Variants in OPHN1 observed in about 807,000 individuals in gnomAD.
OPHN1 encodes the protein oligophrenin-1.
OPHN1 carries 11 observed loss-of-function variants against 60.7 expected under a neutral mutation model. That is an observed-to-expected ratio of 0.18 (90% CI 0.11 to 0.30). The LOEUF is 0.30. OPHN1 is among the 10% of genes least tolerant of loss of function. The pLI is 1.00. For missense variants in OPHN1, 449 were observed against 611.0 expected (o/e 0.73, Z 2.80); for synonymous variants, 226 against 222.6 (o/e 1.02, Z -0.14).
intron 2 of OPHN1, among the ~76,000 whole-genome samples, chrX:68,364,211 T>C (rs2078487583): frequency 8.9e-6 from 1 of 112,010 alleles, no homozygotes; most frequent in Non-Finnish European, 1.9e-5. Context: ...CTGAGTGCTT[T>C]TCATAACTTC....
intron 5 of OPHN1, among the ~76,000 whole-genome samples, chrX:68,248,078 A>G (rs1368053209): frequency 1.8e-5 from 2 of 111,045 alleles, no homozygotes; most frequent in African/African-American, 6.6e-5. Context: ...TTGTAACTTC[A>G]TATCGCCGAA....
chrX:68,391,109 G>A (rs1392418517), intron 2 of OPHN1, among the ~76,000 whole-genome samples: 7 of 111,298 alleles, frequency 6.3e-5, no homozygotes, highest in Non-Finnish European at 1.1e-4. Flanking sequence ...GATAATCCAA[G>A]ATAATCTGTT....
At chrX:68,340,937 T>G (rs1602339616) in intron 2 of OPHN1, among the ~76,000 whole-genome samples, 2 of 93,476 alleles carry the variant, frequency 2.1e-5, no homozygotes, top group Non-Finnish European at 4.3e-5. Flanking sequence ...ACCCGGGAGG[T>G]GGAGGTTGCA....
At chrX:68,390,848 G>A (rs935372359) in intron 2 of OPHN1, among the ~76,000 whole-genome samples, 1 of 111,872 alleles carries the variant, frequency 8.9e-6, no homozygotes, top group South Asian at 3.7e-4. Flanking sequence ...TAATGCTACC[G>A]AAACAATTTA....
chrX:68,052,531 A>T lies in OPHN1; in HGVS notation c.2375+9T>A. 4.0e-5 allele frequency: 48 copies of T among 1,203,286 alleles called. No homozygotes were observed. Among genetic ancestry groups the T allele is most frequent in the Non-Finnish European group, 5.4e-5 (48 of 890,482 alleles). ...ATTTGGTTTTTCTTTTGTCACCTCC[A>T]TATCTTACCTTCCTGTTTTCCGGGA... On this transcript the variant is annotated intron_variant, in intron 23 of 24. Coordinates refer to ENST00000355520, the MANE Select transcript of OPHN1 (RefSeq NM_002547.3).
intron 4 of OPHN1, 50 bp downstream of exon 4, chrX:68,283,005 TC>T (rs761494833): frequency 2.0e-6 from 2 of 977,074 alleles, no homozygotes; most frequent in South Asian, 3.9e-5. Context: ...AAAGGAAAAA[TC>T]CCCTATATCA....
chrX:68,059,135 T>C (rs928009074), intron 21 of OPHN1, among the ~76,000 whole-genome samples: 1 of 111,675 alleles, frequency 9.0e-6, no homozygotes, highest in Admixed American at 9.5e-5. Flanking sequence ...CACCAAGCTG[T>C]ACTTCTTTTT....
chrX:68,066,905 AC>A (rs2076915017), intron 20 of OPHN1, among the ~76,000 whole-genome samples: 1 of 111,787 alleles, frequency 8.9e-6, no homozygotes, highest in South Asian at 3.8e-4. Context: ...CTAACCAGCC[AC>A]CCATTTCTAC....
chrX:68,086,763 T>C (rs1440466067), intron 19 of OPHN1, among the ~76,000 whole-genome samples: 1 of 111,878 alleles, frequency 8.9e-6, no homozygotes, highest in Non-Finnish European at 1.9e-5. Flanking sequence ...CTGGACACTG[T>C]AGTGGTTCTT....
intron 5 of OPHN1, among the ~76,000 whole-genome samples, chrX:68,255,217 T>C (rs1396910660): frequency 9.1e-6 from 1 of 109,626 alleles, no homozygotes; most frequent in African/African-American, 3.3e-5. Context: ...CACTTACCCA[T>C]ACATATATAT....
chrX:68,167,274 C>T (rs1402499241), intron 15 of OPHN1, among the ~76,000 whole-genome samples: 3 of 111,302 alleles, frequency 2.7e-5, no homozygotes, highest in Non-Finnish European at 5.7e-5. Context: ...ATCATATAAA[C>T]GCAAATCAAA....
intron 3 of OPHN1, among the ~76,000 whole-genome samples, chrX:68,288,052 T>C (rs1249072965): frequency 2.7e-5 from 3 of 111,955 alleles, no homozygotes; most frequent in Non-Finnish European, 5.6e-5. Context: ...GAAAAAGCCC[T>C]ATGAGTACAT....
intron 19 of OPHN1, among the ~76,000 whole-genome samples, chrX:68,085,570 C>CA (rs1264141671): frequency 8.9e-6 from 1 of 111,858 alleles, no homozygotes; most frequent in Non-Finnish European, 1.9e-5. Flanking sequence ...GAAGGGGTGA[C>CA]ATTGGTACCT....
intron 15 of OPHN1, among the ~76,000 whole-genome samples, chrX:68,190,702 G>T (rs1468366518): frequency 8.9e-6 from 1 of 111,953 alleles, no homozygotes; most frequent in Non-Finnish European, 1.9e-5. Flanking sequence ...TTATACAACA[G>T]ATATAAGAGT....
intron 5 of OPHN1, among the ~76,000 whole-genome samples, chrX:68,254,805 T>C (rs925092347): frequency 3.7e-5 from 4 of 108,619 alleles, no homozygotes; most frequent in Non-Finnish European, 5.7e-5. Flanking sequence ...ACACCTGAGG[T>C]CAGGAGTTCA....
intron 6 of OPHN1, 72 bp downstream of exon 6, chrX:68,234,415 G>T: frequency 1.2e-6 from 1 of 824,731 alleles, no homozygotes. Flanking sequence ...GAAAAGCCTT[G>T]CAGTACAAAA....
intron 15 of OPHN1, among the ~76,000 whole-genome samples, chrX:68,181,031 C>T (rs2077434189): frequency 9.0e-6 from 1 of 110,807 alleles, no homozygotes; most frequent in Non-Finnish European, 1.9e-5. Flanking sequence ...ATCATTCAGG[C>T]CCCAACAATG....
At chrX:68,384,143 TAAGTA>T (rs1339924953) in intron 2 of OPHN1, among the ~76,000 whole-genome samples, 1 of 112,207 alleles carries the variant, frequency 8.9e-6, no homozygotes, top group East Asian at 2.8e-4. Context: ...TCTAAATTGT[TAAGTA>T]ATTTCCTTCA....
intron 15 of OPHN1, among the ~76,000 whole-genome samples, chrX:68,136,174 A>AAT (rs1042471242): frequency 6.3e-5 from 7 of 110,865 alleles, no homozygotes; most frequent in African/African-American, 1.6e-4. Context: ...AAAGTTATTA[A>AAT]ATATATGTGT....
Sources: gnomAD v4.1 joint callset for allele counts (sites outside exome capture counted in the v4.1 genomes callset) on GRCh38, gnomAD v4.1.1 for gene constraint, MANE v1.5 for transcripts, NCBI Gene and HGNC (gene_info 2026-07-23, HGNC 2026-07-21) for gene names.